The following MTDH variants were observed in gnomAD, a reference collection of about 807,000 sequenced individuals.
The protein encoded by MTDH is protein LYRIC.
A neutral mutation model predicts 72.7 loss-of-function variants in MTDH; 34 were observed. That is an observed-to-expected ratio of 0.47 (90% CI 0.36 to 0.62). The LOEUF is 0.62. Among genes scored for constraint, MTDH ranks in the 20% least tolerant of loss-of-function variants. MTDH has a pLI of 0.00. For missense variants in MTDH, 677 were observed against 699.4 expected, an observed-to-expected ratio of 0.97 and a Z score of 0.36; for synonymous variants, 266 against 268.9, an observed-to-expected ratio of 0.99 and a Z score of 0.10.
Position 97,644,375 on chromosome 8 carries a change from C to G in MTDH, c.-132C>G, listed in dbSNP as rs1811470378. On this transcript the variant is annotated 5_prime_UTR_variant, in exon 1 of 12. Transcript: ENST00000336273. ...CGGTGGCAGCGGCCGATCCCCGGCT[C>G]CGGCGCGAGGGACGGCCGCGATGCG... The G allele has an allele frequency of 3.1e-6, 4 of 1,278,164 alleles. No homozygotes were observed. The highest frequency in any genetic ancestry group is 3.1e-6 in the Non-Finnish European group (3 of 968,010). 79.2% of individuals were successfully genotyped at this position (1,278,164 alleles called of 1,614,324 possible). A position where few individuals can be genotyped will look rare whatever the true frequency, so the allele number is the denominator to read the frequency against.
intron 9 of MTDH, among the ~76,000 whole-genome samples, chr8:97,717,056 G>A (rs1489975606): frequency 1.3e-5 from 2 of 152,110 alleles, no homozygotes; most frequent in East Asian, 3.8e-4. Flanking sequence ...GAAATAAATT[G>A]ATGTCTTCTG....
intron 8 of MTDH, among the ~76,000 whole-genome samples, chr8:97,711,635 T>C (rs1319880656): frequency 6.6e-6 from 1 of 152,186 alleles, no homozygotes; most frequent in South Asian, 2.1e-4. Context: ...CCTCCACTTA[T>C]ACACGGGATA....
chr8:97,686,620 A>T (rs1813374759), intron 2 of MTDH, 48 bp from the exon 3 acceptor site: 1 of 1,229,118 alleles, frequency 8.1e-7, no homozygotes, highest in Admixed American at 2.7e-5. Flanking sequence ...ACTCCTACTT[A>T]TTCAAAAACA....
intron 1 of MTDH, among the ~76,000 whole-genome samples, chr8:97,653,390 T>A (rs1811847890): frequency 6.6e-6 from 1 of 152,204 alleles, no homozygotes; most frequent in African/African-American, 2.4e-5. Flanking sequence ...GTTTTCCCAG[T>A]GAGTTATGGC....
chr8:97,655,019 G>A (rs1427592960), intron 1 of MTDH, among the ~76,000 whole-genome samples: 2 of 151,974 alleles, frequency 1.3e-5, no homozygotes, highest in Non-Finnish European at 2.9e-5. Flanking sequence ...TTGAGCCTGG[G>A]AGGCGGAGGT....
intron 2 of MTDH, among the ~76,000 whole-genome samples, chr8:97,664,637 TG>T (rs1812305825): frequency 6.6e-6 from 1 of 152,212 alleles, no homozygotes; most frequent in South Asian, 2.1e-4. Flanking sequence ...TAATTTTTTG[TG>T]GTATTGCACT....
chr8:97,670,280 C>T (rs1400900004), intron 2 of MTDH, among the ~76,000 whole-genome samples: 1 of 152,172 alleles, frequency 6.6e-6, no homozygotes, highest in Non-Finnish European at 1.5e-5. Context: ...CGTGGCACTG[C>T]CCTCTAGCCT....
intron 2 of MTDH, among the ~76,000 whole-genome samples, chr8:97,685,886 T>C (rs1021151577): frequency 2.0e-5 from 3 of 152,224 alleles, no homozygotes; most frequent in East Asian, 1.9e-4. Flanking sequence ...GAAGCACTTA[T>C]TGAAATACAG....
intron 1 of MTDH, among the ~76,000 whole-genome samples, chr8:97,658,245 A>C (rs1812053473): frequency 1.3e-5 from 2 of 152,188 alleles, no homozygotes; most frequent in Non-Finnish European, 2.9e-5. Flanking sequence ...AGCTGCGATT[A>C]GAGCTATTAT....
chr8:97,653,805 G>A (rs1157584106), intron 1 of MTDH, among the ~76,000 whole-genome samples: 1 of 152,224 alleles, frequency 6.6e-6, no homozygotes, highest in East Asian at 1.9e-4. Context: ...AGCTATGCTA[G>A]TAGTTTTCAA....
chr8:97,691,718 T>C (rs184831486), intron 6 of MTDH, among the ~76,000 whole-genome samples: 5 of 152,158 alleles, frequency 3.3e-5, no homozygotes, highest in Non-Finnish European at 5.9e-5. Context: ...TGTGTGTGTG[T>C]GTGTATTATA....
At chr8:97,721,811 T>C (rs569799580) in intron 10 of MTDH, among the ~76,000 whole-genome samples, 18 of 152,326 alleles carry the variant, frequency 1.2e-4, no homozygotes, top group African/African-American at 3.8e-4. Flanking sequence ...GGCTCAAGAA[T>C]CTAGGCTCTG....
In MTDH at chr8:97,706,612, C is replaced by A; in HGVS notation, c.1148-14C>A. The A allele has an allele frequency of 6.5e-7, 1 of 1,542,402 alleles. No individual in the cohort carries two copies. The highest frequency in any genetic ancestry group is 8.7e-7 in the Non-Finnish European group (1 of 1,145,782). ...AAAAATGATAGACGCCTAATTCACACTGTTAAATTTTAGATGGTCTGTCTT... is the reference window on the plus strand; with the variant it reads ...AAAAATGATAGACGCCTAATTCACAATGTTAAATTTTAGATGGTCTGTCTT... On this transcript the variant is annotated splice_polypyrimidine_tract_variant and intron_variant, in intron 7 of 11. Coordinates refer to ENST00000336273, the MANE Select transcript of MTDH (RefSeq NM_178812.4).
At chr8:97,718,901 G>A in intron 9 of MTDH, 148 bp from the exon 10 acceptor site, 2 of 612,518 alleles carry the variant, frequency 3.3e-6, no homozygotes, top group East Asian at 6.4e-5. Context: ...TCACCATGTT[G>A]CCCAGGCTGG....
At chr8:97,663,212 A>G (rs755151977) in intron 2 of MTDH, among the ~76,000 whole-genome samples, 1 of 152,178 alleles carries the variant, frequency 6.6e-6, no homozygotes, top group African/African-American at 2.4e-5. Context: ...AGGAACTACC[A>G]TTAACCTCTT....
intron 1 of MTDH, among the ~76,000 whole-genome samples, chr8:97,657,922 T>C (rs768688565): frequency 6.6e-6 from 1 of 152,178 alleles, no homozygotes; most frequent in Non-Finnish European, 1.5e-5. Context: ...TATAATATGC[T>C]CCCATTTAGG....
intron 6 of MTDH, among the ~76,000 whole-genome samples, chr8:97,697,150 A>ATATATATTTTTTTTTTTT: frequency 7.3e-5 from 5 of 68,790 alleles, no homozygotes; most frequent in African/African-American, 3.6e-4. Context: ...ATATATATAT[A>ATATATATTTTTTTTTTTT]TTTTTTTTTT....
At chr8:97,701,194 CT>C (rs1288367987) in intron 7 of MTDH, among the ~76,000 whole-genome samples, 1 of 152,054 alleles carries the variant, frequency 6.6e-6, no homozygotes, top group Non-Finnish European at 1.5e-5. Flanking sequence ...CATGAAAGCT[CT>C]GTAAATTACA....
intron 1 of MTDH, among the ~76,000 whole-genome samples, chr8:97,659,787 C>T (rs935037412): frequency 8.5e-5 from 13 of 152,262 alleles, no homozygotes; most frequent in Admixed American, 3.9e-4. Flanking sequence ...TCCAGAAAGA[C>T]GGTTAGAGTA....
Sources: gnomAD v4.1 joint callset for allele counts (sites outside exome capture counted in the v4.1 genomes callset) on GRCh38, gnomAD v4.1.1 for gene constraint, MANE v1.5 for transcripts, NCBI Gene and HGNC (gene_info 2026-07-23, HGNC 2026-07-21) for gene names.